The following MCTP1 variants were observed in gnomAD, a reference collection of about 807,000 sequenced individuals.
MCTP1 encodes multiple C2 and transmembrane domain-containing protein 1.
MCTP1 carries 69 observed loss-of-function variants against 120.6 expected under a neutral mutation model. The ratio of observed to expected loss-of-function variants is 0.57; its 90% CI spans 0.47 to 0.70. The LOEUF is 0.70. Among genes scored for constraint, MCTP1 ranks in the 30% least tolerant of loss-of-function variants. The pLI is 0.00. For synonymous variants in MCTP1, 529 were observed against 493.1 expected, an observed-to-expected ratio of 1.07 and a Z score of -0.96; for missense variants, 1,203 against 1,248.8, an observed-to-expected ratio of 0.96 and a Z score of 0.55.
chr5:95,137,480 T>G (rs78627044), intron 1 of MCTP1, among the ~76,000 whole-genome samples: 1 of 152,208 alleles, frequency 6.6e-6, no homozygotes, highest in Non-Finnish European at 1.5e-5. Context: ...AAACTAAAGT[T>G]GCATGCAATA....
chr5:94,998,369 G>T (rs902885108), intron 2 of MCTP1, among the ~76,000 whole-genome samples: 2 of 152,254 alleles, frequency 1.3e-5, no homozygotes, highest in Non-Finnish European at 2.9e-5. Context: ...GCAGAGAAAA[G>T]GATTTGGTCA....
At chr5:94,931,839 A>T in intron 6 of MCTP1, 114 bp downstream of exon 6, 1 of 803,406 alleles carries the variant, frequency 1.2e-6, no homozygotes, top group Non-Finnish European at 2.0e-6. Context: ...GAAAAGTAAC[A>T]ATTGAATAGT....
At chr5:95,109,283 A>G (rs1366365362) in intron 1 of MCTP1, among the ~76,000 whole-genome samples, 2 of 152,200 alleles carry the variant, frequency 1.3e-5, no homozygotes, top group Admixed American at 1.3e-4. Context: ...TAGAGCATCA[A>G]TGTAAAAATA....
At chr5:94,924,042 A>T (rs752355636) in intron 6 of MCTP1, 21 bp from the exon 7 acceptor site, 1 of 1,368,436 alleles carries the variant, frequency 7.3e-7, no homozygotes. Context: ...ACAAATATTT[A>T]GCTACATTTT....
At chr5:95,028,807 T>C (rs1018096313) in intron 1 of MCTP1, among the ~76,000 whole-genome samples, 1 of 152,228 alleles carries the variant, frequency 6.6e-6, no homozygotes, top group African/African-American at 2.4e-5. Context: ...CTGTCTGATA[T>C]TTGTTTTCTA....
At chr5:95,130,576 A>G (rs546068291) in intron 1 of MCTP1, among the ~76,000 whole-genome samples, 81 of 152,300 alleles carry the variant, frequency 5.3e-4, no homozygotes, top group Admixed American at 1.8e-3. Context: ...TTAAACAGAG[A>G]TGCATTTTCT....
At chr5:94,792,685 AAAC>A (rs549228899) in intron 18 of MCTP1, 22 of 153,738 alleles carry the variant, frequency 1.4e-4, no homozygotes, top group East Asian at 3.8e-4. Context: ...AACAAAAGCA[AAAC>A]AACAACAACA....
At chr5:94,724,153 A>C (rs1761590335) in intron 19 of MCTP1, among the ~76,000 whole-genome samples, 2 of 152,206 alleles carry the variant, frequency 1.3e-5, no homozygotes, top group South Asian at 4.1e-4. Flanking sequence ...AATATTTTTT[A>C]ATAAATGTAA....
At chr5:95,161,008 A>T (rs1582400278) in intron 1 of MCTP1, among the ~76,000 whole-genome samples, 1 of 152,188 alleles carries the variant, frequency 6.6e-6, no homozygotes, top group Non-Finnish European at 1.5e-5. Flanking sequence ...ATAAACTAAC[A>T]CAGCCATTAT....
intron 2 of MCTP1, among the ~76,000 whole-genome samples, chr5:95,013,827 G>A (rs1836524565): frequency 1.3e-5 from 2 of 152,080 alleles, no homozygotes; most frequent in African/African-American, 4.8e-5. Flanking sequence ...ATCGATCAAG[G>A]AGTAATTTCT....
chr5:95,070,152 T>A (rs1751771342), intron 1 of MCTP1, among the ~76,000 whole-genome samples: 1 of 152,222 alleles, frequency 6.6e-6, no homozygotes, highest in South Asian at 2.1e-4. Context: ...ATCTAGGTTC[T>A]CTCCTTACCC....
At chr5:94,716,109 T>G (rs1759178153) in intron 19 of MCTP1, among the ~76,000 whole-genome samples, 1 of 152,198 alleles carries the variant, frequency 6.6e-6, no homozygotes, top group Non-Finnish European at 1.5e-5. Context: ...GACAACAGGG[T>G]ACACTGGGAC....
intron 1 of MCTP1, among the ~76,000 whole-genome samples, chr5:95,188,341 G>A (rs1392486988): frequency 6.6e-6 from 1 of 152,140 alleles, no homozygotes; most frequent in Non-Finnish European, 1.5e-5. Flanking sequence ...CTGGAAAACA[G>A]CTCAGCAGTT....
At chr5:94,935,233 C>A (rs1387354455) in intron 5 of MCTP1, among the ~76,000 whole-genome samples, 1 of 151,878 alleles carries the variant, frequency 6.6e-6, no homozygotes, top group Non-Finnish European at 1.5e-5. Context: ...CAAATTGCTG[C>A]AATTAGACAT....
In MCTP1 at chr5:95,102,942, A is replaced by T. The variant is rs557853195; in HGVS notation, c.721-85458T>A. 2.2e-3 allele frequency among the ~76,000 whole-genome samples: 334 copies of T among 152,318 alleles called. 1 individual carries two copies. Among genetic ancestry groups the T allele is most frequent in the Middle Eastern group, 0.01 (3 of 294 alleles). Reference sequence around the variant, plus strand: ...GGTTGCTCTACTCACCAGCTATGCAAAGCTCAGCAATAACCACTTCTCTAA... The same window carrying T: ...GGTTGCTCTACTCACCAGCTATGCATAGCTCAGCAATAACCACTTCTCTAA... On this transcript the variant is annotated intron_variant, in intron 1 of 22. Transcript: ENST00000515393.
intron 1 of MCTP1, among the ~76,000 whole-genome samples, chr5:95,028,093 T>C (rs566233931): frequency 1.3e-3 from 205 of 152,336 alleles, no homozygotes; most frequent in African/African-American, 4.6e-3. Flanking sequence ...AAAAACTTCA[T>C]GTTTTTTAAA....
chr5:95,250,925 G>A (rs1431601264), intron 1 of MCTP1, among the ~76,000 whole-genome samples: 2 of 152,152 alleles, frequency 1.3e-5, no homozygotes, highest in Non-Finnish European at 2.9e-5. Context: ...TCAAGGACTA[G>A]TTGATAAGAA....
At chr5:95,056,899 G>A (rs986571562) in intron 1 of MCTP1, among the ~76,000 whole-genome samples, 2 of 151,848 alleles carry the variant, frequency 1.3e-5, no homozygotes, top group African/African-American at 2.4e-5. Flanking sequence ...AAATACATAC[G>A]TATTTCTAAG....
intron 1 of MCTP1, among the ~76,000 whole-genome samples, chr5:95,231,524 T>C (rs1754943391): frequency 6.6e-6 from 1 of 152,026 alleles, no homozygotes; most frequent in East Asian, 1.9e-4. Context: ...ATCCAAAAAA[T>C]AAGAAATATA....
Sources: allele counts gnomAD v4.1 joint callset (sites outside exome capture counted in the v4.1 genomes callset), GRCh38; gene constraint gnomAD v4.1.1; transcripts MANE v1.5; gene names NCBI Gene and HGNC (gene_info 2026-07-23, HGNC 2026-07-21).